Variants in SHLD1 observed in about 807,000 individuals in gnomAD.
SHLD1 encodes RINN1-REV7-interacting novel NHEJ regulator 3.
Under a neutral mutation model 5.5 loss-of-function variants are expected in SHLD1, and 3 were observed. That is an observed-to-expected ratio of 0.54 (90% CI 0.25 to 1.40). The LOEUF is 1.40. SHLD1 is among the 40% of genes most tolerant of loss of function. The pLI is 0.15. For missense variants in SHLD1, 210 were observed against 244.4 expected, an observed-to-expected ratio of 0.86 and a Z score of 0.94; for synonymous variants, 92 against 94.3, an observed-to-expected ratio of 0.98 and a Z score of 0.14.
intron 2 of SHLD1, among the ~76,000 whole-genome samples, chr20:5,795,985 C>CT (rs889652368): frequency 2.7e-5 from 4 of 150,876 alleles, no homozygotes; most frequent in African/African-American, 9.8e-5. Flanking sequence ...GAGCGAGACT[C>CT]TGTCTCAAAA....
rs532341146 is a variant in SHLD1 at position 5,863,136 on chromosome 20, A to G, written c.291A>G (p.Lys97=). The G allele has an allele frequency of 2.5e-6, 4 of 1,614,160 alleles. No individual in the cohort carries two copies. The Admixed American group carries it at 5.0e-5, about 20-fold the overall frequency. The change falls in exon 3 of 3, where the codon AAA becomes AAG. Residue 97 remains lysine (K), a synonymous_variant. Transcript: ENST00000303142. The part of the protein sequence containing the change: ...SEKEEDDGLR[K]SLDRFYEMFG... ...AGGAAGAGGATGATGGCCTTCGGAA[A>G]TCCCTGGATAGATTCTATGAAATGT...
chr20:5,826,428 A>G (rs192131233), intron 2 of SHLD1, among the ~76,000 whole-genome samples: 41 of 151,976 alleles, frequency 2.7e-4, no homozygotes, highest in Admixed American at 7.9e-4. Context: ...TGATACCTGT[A>G]CAAAATTATG....
At chr20:5,831,050 A>C (rs2087723680) in intron 2 of SHLD1, among the ~76,000 whole-genome samples, 1 of 152,230 alleles carries the variant, frequency 6.6e-6, no homozygotes, top group Non-Finnish European at 1.5e-5. Flanking sequence ...GCAATAATTT[A>C]AGGAAGAGTT....
At chr20:5,756,772 CT>C in intron 1 of SHLD1, 1 of 292,512 alleles carries the variant, frequency 3.4e-6, no homozygotes, top group South Asian at 3.0e-5. Flanking sequence ...TCACTGCAAC[CT>C]CCGTCTTCCA....
chr20:5,773,076 A>G (rs545239453), intron 2 of SHLD1, 33 bp downstream of exon 2: 2 of 1,608,484 alleles, frequency 1.2e-6, no homozygotes, highest in Non-Finnish European at 1.7e-6. Context: ...AACTAACTTA[A>G]AAACAACTAG....
chr20:5,859,347 G>A (rs1369225888), intron 2 of SHLD1, among the ~76,000 whole-genome samples: 1 of 152,168 alleles, frequency 6.6e-6, no homozygotes, highest in Admixed American at 6.5e-5. Flanking sequence ...CCTGTGCACT[G>A]TAGAATGTTT....
At chr20:5,823,509 G>A (rs1014005252) in intron 2 of SHLD1, among the ~76,000 whole-genome samples, 1 of 150,656 alleles carries the variant, frequency 6.6e-6, no homozygotes, top group Non-Finnish European at 1.5e-5. Context: ...GTGTAATGAC[G>A]CGATCTCAGC....
intron 1 of SHLD1, among the ~76,000 whole-genome samples, chr20:5,759,805 T>C (rs1568487663): frequency 6.6e-6 from 1 of 152,138 alleles, no homozygotes; most frequent in East Asian, 1.9e-4. Flanking sequence ...CTTCCCAAAT[T>C]GCTAGGATTG....
intron 2 of SHLD1, among the ~76,000 whole-genome samples, chr20:5,776,523 G>A (rs1160572486): frequency 6.6e-6 from 1 of 152,076 alleles, no homozygotes; most frequent in Non-Finnish European, 1.5e-5. Context: ...AGCACTTTGG[G>A]AGGCCGAGGC....
chr20:5,826,907 C>CA (rs2122427509), intron 2 of SHLD1, among the ~76,000 whole-genome samples: 1 of 127,708 alleles, frequency 7.8e-6, no homozygotes, highest in Admixed American at 8.7e-5. Context: ...TCCCTCATAT[C>CA]CCCCCCTTCA....
chr20:5,822,728 C>T (rs971050818), intron 2 of SHLD1, among the ~76,000 whole-genome samples: 13 of 151,992 alleles, frequency 8.6e-5, no homozygotes, highest in African/African-American at 3.1e-4. Flanking sequence ...TTCACACCCA[C>T]CGTTAACCCC....
chr20:5,790,236 C>T lies in SHLD1; in HGVS notation c.178+17193C>T, dbSNP rs554908325. ...CTTCTTCCTCCCAGGGAGCCTGAAA[C>T]TTCCTTCCTCCCCTAGAGATTCCCA... On this transcript the variant is annotated intron_variant, in intron 2 of 2. Coordinates refer to ENST00000303142, the MANE Select transcript of SHLD1 (RefSeq NM_152504.4). Among the ~76,000 whole-genome samples the T allele has an allele frequency of 9.9e-5, 15 of 152,284 alleles. No homozygotes were observed. The South Asian group carries it at 1.9e-3, about 19-fold the overall frequency.
chr20:5,851,298 C>CA (rs1380678163), intron 2 of SHLD1, among the ~76,000 whole-genome samples: 23 of 152,054 alleles, frequency 1.5e-4, no homozygotes, highest in Non-Finnish European at 5.9e-5. Flanking sequence ...CCAGCCTGAC[C>CA]AACATGGTGA....
At chr20:5,820,536 C>G (rs2087594905) in intron 2 of SHLD1, among the ~76,000 whole-genome samples, 1 of 152,162 alleles carries the variant, frequency 6.6e-6, no homozygotes, top group East Asian at 1.9e-4. Context: ...AAGAAACCAG[C>G]CTCCAAGATG....
chr20:5,843,628 C>G (rs576613121), intron 2 of SHLD1, among the ~76,000 whole-genome samples: 3 of 152,266 alleles, frequency 2.0e-5, no homozygotes, highest in African/African-American at 7.2e-5. Context: ...CTCAGAACTT[C>G]TATTCTCATT....
intron 1 of SHLD1, among the ~76,000 whole-genome samples, chr20:5,751,740 G>A (rs1983761527): frequency 6.6e-6 from 1 of 152,182 alleles, no homozygotes; most frequent in African/African-American, 2.4e-5. Flanking sequence ...ATCGCCCAGA[G>A]AGAAAACACA....
chr20:5,809,997 A>G (rs141735952), intron 2 of SHLD1, among the ~76,000 whole-genome samples: 2,445 of 152,088 alleles, frequency 0.016, 42 homozygotes, highest in African/African-American at 0.029. Flanking sequence ...AGTGGCTCAC[A>G]CCTGTAATCC....
At chr20:5,777,860 C>T (rs1441866257) in intron 2 of SHLD1, among the ~76,000 whole-genome samples, 3 of 152,092 alleles carry the variant, frequency 2.0e-5, no homozygotes, top group East Asian at 1.9e-4. Context: ...CTTGATAGAA[C>T]AAACACTTTG....
intron 1 of SHLD1, among the ~76,000 whole-genome samples, chr20:5,770,223 C>G (rs237418): frequency 0.58 from 87,645 of 151,818 alleles, 25,708 homozygotes; most frequent in African/African-American, 0.69. Flanking sequence ...GAAGAACATT[C>G]TAATCAGAGG....
Sources: gnomAD v4.1 joint callset for allele counts (sites outside exome capture counted in the v4.1 genomes callset) on GRCh38, gnomAD v4.1.1 for gene constraint, MANE v1.5 for transcripts, NCBI Gene and HGNC (gene_info 2026-07-23, HGNC 2026-07-21) for gene names.